MAP3K3: variants seen among roughly 807,000 people sequenced by gnomAD.
The protein encoded by MAP3K3 is mitogen-activated protein kinase kinase kinase 3.
In MAP3K3, 12 loss-of-function variants were observed where a neutral mutation model predicts 80.9. That is an observed-to-expected ratio of 0.15 (90% CI 0.10 to 0.24). The LOEUF (loss-of-function observed/expected upper bound fraction) is 0.24. Among genes scored for constraint, MAP3K3 ranks in the 10% least tolerant of loss-of-function variants. MAP3K3 has a pLI of 1.00. For synonymous variants in MAP3K3, 272 were observed against 307.1 expected (o/e 0.89, Z 1.19); for missense variants, 596 against 834.7 (o/e 0.71, Z 3.52).
At chr17:63,626,253 A>C (rs898492012) in intron 1 of MAP3K3, among the ~76,000 whole-genome samples, 1 of 152,202 alleles carries the variant, frequency 6.6e-6, no homozygotes, top group Non-Finnish European at 1.5e-5. Context: ...TGTGCCAGGC[A>C]TAGTATTAAG....
chr17:63,671,065 C>G (rs2035097410), intron 6 of MAP3K3, among the ~76,000 whole-genome samples: 1 of 152,080 alleles, frequency 6.6e-6, no homozygotes, highest in Non-Finnish European at 1.5e-5. Flanking sequence ...CTGCATTAGG[C>G]TAATGCAGTG....
At chr17:63,688,294 T>G in intron 8 of MAP3K3, 1 of 570,166 alleles carries the variant, frequency 1.8e-6, no homozygotes, top group Non-Finnish European at 3.1e-6. Context: ...CAGGCTGGAG[T>G]TGGGTCAGAT....
chr17:63,666,829 A>G (rs2035008129), intron 5 of MAP3K3, 111 bp from the exon 6 acceptor site: 1 of 1,212,516 alleles, frequency 8.2e-7, no homozygotes, highest in Non-Finnish European at 1.2e-6. Context: ...CATGTATTAA[A>G]AGCATGAAGG....
chr17:63,632,918 C>T, intron 2 of MAP3K3, 116 bp downstream of exon 2: 1 of 1,337,828 alleles, frequency 7.5e-7, no homozygotes, highest in South Asian at 1.3e-5. Context: ...TTGACCCCTT[C>T]CTTTCACAGT....
chr17:63,645,772 CA>C (rs2034529386), intron 2 of MAP3K3, among the ~76,000 whole-genome samples: 1 of 89,518 alleles, frequency 1.1e-5, no homozygotes, highest in South Asian at 3.0e-4. Flanking sequence ...AAGCTAGAAA[CA>C]GCATGTCACA....
chr17:63,645,323 T>C (rs562993886), intron 2 of MAP3K3, among the ~76,000 whole-genome samples: 24 of 151,966 alleles, frequency 1.6e-4, no homozygotes, highest in African/African-American at 5.8e-4. Flanking sequence ...AGAAACATGA[T>C]AGACCTGATC....
At chr17:63,674,035 G>A (rs1163095613) in intron 6 of MAP3K3, among the ~76,000 whole-genome samples, 2 of 151,374 alleles carry the variant, frequency 1.3e-5, no homozygotes, top group African/African-American at 2.4e-5. Flanking sequence ...AGCTGAGATC[G>A]TGCCACTGCG....
chr17:63,696,124 T>A lies in MAP3K3; in HGVS notation c.*2347T>A, dbSNP rs1202241496. On this transcript the variant is annotated 3_prime_UTR_variant, in exon 16 of 16. Coordinates refer to ENST00000361733, the MANE Select transcript of MAP3K3 (RefSeq NM_002401.5). ...GGGGACAGTCCGCACTCTGCCACCC[T>A]CCTGCCCCTTCCACCCACCCCAGCT... 6.6e-6 allele frequency: 1 copy of A among 151,190 alleles called. No individual in the cohort carries two copies. The highest frequency in any genetic ancestry group is 1.5e-5 in the Non-Finnish European group (1 of 67,638). The allele number at this position is 151,190 out of a possible 1,614,324, so 9.4% of individuals were successfully genotyped here.
chr17:63,666,838 G>A, intron 5 of MAP3K3, 102 bp from the exon 6 acceptor site: 1 of 1,318,946 alleles, frequency 7.6e-7, no homozygotes, highest in Admixed American at 2.2e-5. Context: ...AAAGCATGAA[G>A]GTGGCTGAGC....
chr17:63,692,858 GC>G lies in MAP3K3; in HGVS notation c.1652+446del, dbSNP rs904932294. On this transcript the variant is annotated intron_variant, in intron 15 of 15. Coordinates refer to ENST00000361733, the MANE Select transcript of MAP3K3 (RefSeq NM_002401.5). The surrounding 1 kb of genome is among the most constrained non-coding windows in gnomAD (Gnocchi z 4.5). ...AGCTATTGTGGTGGGCTGAATAATG[GC>G]CCCCCCAAAGATGTCCACTGCCTAA... is the stretch of plus-strand genomic sequence containing the variant. Among the ~76,000 whole-genome samples the G allele has an allele frequency of 8.6e-4, 131 of 152,180 alleles. 2 individuals are homozygous for G. Among genetic ancestry groups the G allele is most frequent in the African/African-American group, 3.0e-3 (126 of 41,518 alleles).
intron 6 of MAP3K3, among the ~76,000 whole-genome samples, chr17:63,674,632 T>A (rs895475423): frequency 1.3e-5 from 2 of 152,056 alleles, no homozygotes; most frequent in African/African-American, 4.8e-5. Context: ...ATTATAGGTA[T>A]GAGCCACCAT....
intron 5 of MAP3K3, among the ~76,000 whole-genome samples, chr17:63,659,135 G>A (rs991570795): frequency 1.4e-4 from 21 of 152,182 alleles, no homozygotes; most frequent in Non-Finnish European, 2.5e-4. Context: ...GCCTTGCAAA[G>A]TGCTGGGATT....
chr17:63,653,665 G>A (rs1428623770), intron 4 of MAP3K3, among the ~76,000 whole-genome samples: 3 of 151,986 alleles, frequency 2.0e-5, no homozygotes, highest in East Asian at 3.9e-4. Context: ...CCTCAATTCC[G>A]TTCTTTTGTT....
chr17:63,662,382 T>C (rs543205570), intron 5 of MAP3K3, among the ~76,000 whole-genome samples: 1 of 151,944 alleles, frequency 6.6e-6, no homozygotes, highest in South Asian at 2.1e-4. Context: ...AACACTGCAC[T>C]CCAGCCTGGG....
At chr17:63,651,058 G>C (rs1300113306) in intron 3 of MAP3K3, among the ~76,000 whole-genome samples, 1 of 151,974 alleles carries the variant, frequency 6.6e-6, no homozygotes, top group Non-Finnish European at 1.5e-5. Flanking sequence ...CTTTTCTTCA[G>C]TTATCTCTGA....
chr17:63,653,539 T>G (rs1015462302), intron 4 of MAP3K3, among the ~76,000 whole-genome samples: 2 of 152,364 alleles, frequency 1.3e-5, no homozygotes, highest in African/African-American at 4.8e-5. Context: ...GATGTTTCTT[T>G]ATTCTAAAGC....
intron 2 of MAP3K3, chr17:63,634,603 TAAC>T: frequency 1.1e-6 from 1 of 926,954 alleles, no homozygotes; most frequent in Non-Finnish European, 1.7e-6. Context: ...GAAGTAATCT[TAAC>T]AAGAGGTACT....
At chr17:63,690,050 A>C in intron 11 of MAP3K3, 1 of 606,130 alleles carries the variant, frequency 1.6e-6, no homozygotes, top group Non-Finnish European at 2.9e-6. Flanking sequence ...TTTAACCATG[A>C]CTTCAGCCAA....
chr17:63,644,864 C>T lies in MAP3K3; in HGVS notation c.127-1170C>T, dbSNP rs531169028. Among the ~76,000 whole-genome samples, 3 of 152,272 alleles carry T rather than the reference C, an allele frequency of 2.0e-5. No homozygotes were observed. The South Asian group carries it at 6.2e-4, about 32-fold the overall frequency. On this transcript the variant is annotated intron_variant, in intron 2 of 15. Transcript: ENST00000361733. Reference sequence around the variant, plus strand: ...CTTCTTCAAAATAATTTTTCTTCATCGACTATGACTTCATTCTCTCCTTTA... The same window carrying T: ...CTTCTTCAAAATAATTTTTCTTCATTGACTATGACTTCATTCTCTCCTTTA...
Sources: allele counts gnomAD v4.1 joint callset (sites outside exome capture counted in the v4.1 genomes callset), GRCh38; gene constraint gnomAD v4.1.1; non-coding constraint Gnocchi (gnomAD v3.1); transcripts MANE v1.5; gene names NCBI Gene and HGNC (gene_info 2026-07-23, HGNC 2026-07-21).